Variants in CNIH3 observed in about 807,000 individuals in gnomAD.
CNIH3 encodes protein cornichon homolog 3.
In CNIH3, 14 loss-of-function variants were observed where a neutral mutation model predicts 24.1. The ratio of observed to expected loss-of-function variants is 0.58; its 90% CI spans 0.38 to 0.91. The LOEUF is 0.91. CNIH3 is among the 40% of genes least tolerant of loss of function. The probability of loss-of-function intolerance (pLI) is 0.00; values close to 1 mark genes in which losing one functional copy is unlikely to be tolerated. For synonymous variants in CNIH3, 68 were observed against 73.8 expected (o/e 0.92, Z 0.40); for missense variants, 178 against 196.8 (o/e 0.90, Z 0.57).
chr1:224,674,609 G>A (rs1306784320), intron 1 of CNIH3, among the ~76,000 whole-genome samples: 1 of 152,080 alleles, frequency 6.6e-6, no homozygotes, highest in East Asian at 1.9e-4. Flanking sequence ...TGGTCCTGTG[G>A]TTGGGGGAAC....
intron 1 of CNIH3, among the ~76,000 whole-genome samples, chr1:224,465,007 T>C (rs1213694879): frequency 6.6e-6 from 1 of 152,210 alleles, no homozygotes; most frequent in South Asian, 2.1e-4. Context: ...TTGCCCAGGC[T>C]GGTCTGAAAC....
At chr1:224,668,631 A>G (rs1685714938) in intron 1 of CNIH3, among the ~76,000 whole-genome samples, 1 of 152,228 alleles carries the variant, frequency 6.6e-6, no homozygotes, top group African/African-American at 2.4e-5. Context: ...CCTAGGTGTC[A>G]GAGAAGTATC....
At chr1:224,738,509 G>T (rs1689708520) in intron 5 of CNIH3, among the ~76,000 whole-genome samples, 1 of 152,188 alleles carries the variant, frequency 6.6e-6, no homozygotes, top group Admixed American at 6.5e-5. Context: ...GCTGCAAAGG[G>T]TTAGAAGTCA....
At chr1:224,724,620 T>C (rs545082718) in intron 3 of CNIH3, among the ~76,000 whole-genome samples, 1 of 152,162 alleles carries the variant, frequency 6.6e-6, no homozygotes, top group African/African-American at 2.4e-5. Context: ...TTCTCCACAC[T>C]CTTTGGCTCC....
intron 3 of CNIH3, among the ~76,000 whole-genome samples, chr1:224,549,181 T>C (rs895865133): frequency 2.6e-5 from 4 of 152,144 alleles, no homozygotes; most frequent in African/African-American, 9.7e-5. Context: ...AGAGCAATGA[T>C]GCTTCATTAA....
intron 3 of CNIH3, among the ~76,000 whole-genome samples, chr1:224,718,710 G>A (rs572151056): frequency 1.0e-3 from 158 of 152,204 alleles, no homozygotes; most frequent in African/African-American, 3.8e-3. Flanking sequence ...GGAGAAAGGG[G>A]CAGTTCCTTC....
chr1:224,451,683 G>C (rs900485370), intron 1 of CNIH3, among the ~76,000 whole-genome samples: 3 of 152,200 alleles, frequency 2.0e-5, no homozygotes, highest in African/African-American at 7.2e-5. Context: ...CTGAGGCCCA[G>C]AATGATTAGA....
At chr1:224,737,530 C>T (rs1431876378) in intron 5 of CNIH3, among the ~76,000 whole-genome samples, 1 of 152,084 alleles carries the variant, frequency 6.6e-6, no homozygotes, top group Non-Finnish European at 1.5e-5. Flanking sequence ...TTAGGAGCTG[C>T]CAGCCCCTCA....
chr1:224,601,448 T>C (rs1035015229), intron 3 of CNIH3, among the ~76,000 whole-genome samples: 1 of 152,186 alleles, frequency 6.6e-6, no homozygotes, highest in African/African-American at 2.4e-5. Context: ...TGAGATCTTA[T>C]CGGGAAGCTG....
At chr1:224,499,359 T>C (rs74391153) in intron 1 of CNIH3, among the ~76,000 whole-genome samples, 2,191 of 152,246 alleles carry the variant, frequency 0.014, 32 homozygotes, top group Non-Finnish European at 0.021. Flanking sequence ...GTATCTCTGC[T>C]TTCTTACTCT....
chr1:224,570,086 G>A (rs1680755871), intron 4 of CNIH3, among the ~76,000 whole-genome samples: 1 of 152,032 alleles, frequency 6.6e-6, no homozygotes, highest in South Asian at 2.1e-4. Flanking sequence ...ACCCGGCAAA[G>A]CATATTTTCA....
intron 2 of CNIH3, among the ~76,000 whole-genome samples, chr1:224,528,432 T>C (rs545500101): frequency 1.4e-4 from 21 of 152,152 alleles, no homozygotes; most frequent in Non-Finnish European, 2.9e-4. Context: ...AGGATCCTGC[T>C]CCCTTAGCCA....
intron 2 of CNIH3, among the ~76,000 whole-genome samples, chr1:224,682,357 G>A (rs1214037496): frequency 2.0e-5 from 3 of 152,140 alleles, no homozygotes; most frequent in African/African-American, 7.2e-5. Context: ...TTGAACCCAG[G>A]CTTGCCTGTC....
At chr1:224,607,726 C>CG (rs1416158945) in intron 3 of CNIH3, among the ~76,000 whole-genome samples, 1 of 152,036 alleles carries the variant, frequency 6.6e-6, no homozygotes, top group Non-Finnish European at 1.5e-5. Flanking sequence ...GTAAAAGTCT[C>CG]GGGGCCTACA....
intron 3 of CNIH3, among the ~76,000 whole-genome samples, chr1:224,554,959 G>A (rs1246694332): frequency 6.6e-6 from 1 of 152,132 alleles, no homozygotes; most frequent in African/African-American, 2.4e-5. Flanking sequence ...AAGTATACAG[G>A]AGGATGTGAA....
At chr1:224,560,505 G>C (rs566205807) in intron 3 of CNIH3, among the ~76,000 whole-genome samples, 83 of 152,222 alleles carry the variant, frequency 5.5e-4, no homozygotes, top group Non-Finnish European at 6.5e-4. Context: ...TCTGCATTTA[G>C]AGCTGCTCCC....
chr1:224,574,847 T>C (rs1680968074), intron 4 of CNIH3: 2 of 939,980 alleles, frequency 2.1e-6, no homozygotes, highest in African/African-American at 3.2e-5. Flanking sequence ...CCAGTAACAG[T>C]AACATTCTGG....
intron 1 of CNIH3, among the ~76,000 whole-genome samples, chr1:224,470,258 G>T (rs7513831): frequency 0.83 from 126,507 of 151,702 alleles, 53,078 homozygotes; most frequent in East Asian, 0.97. Flanking sequence ...GACCTTGTGA[G>T]CTACCTGCCT....
At chr1:224,714,362 A>G (rs1278808041) in intron 3 of CNIH3, among the ~76,000 whole-genome samples, 1 of 152,206 alleles carries the variant, frequency 6.6e-6, no homozygotes, top group African/African-American at 2.4e-5. Context: ...GTTGGGACCA[A>G]CTTCTCAGGT....
Sources: allele counts gnomAD v4.1 joint callset (sites outside exome capture counted in the v4.1 genomes callset), GRCh38; gene constraint gnomAD v4.1.1; transcripts MANE v1.5; gene names NCBI Gene and HGNC (gene_info 2026-07-23, HGNC 2026-07-21).